Variants in COMMD1 observed in about 807,000 individuals in gnomAD.
COMMD1 encodes the protein COMM domain-containing protein 1.
Under a neutral mutation model 17.2 loss-of-function variants are expected in COMMD1, and 10 were observed. The ratio of observed to expected loss-of-function variants is 0.58; its 90% CI spans 0.36 to 0.99. The LOEUF (loss-of-function observed/expected upper bound fraction) is 0.99. Among genes scored for constraint, COMMD1 ranks in the 50% least tolerant of loss-of-function variants. The probability of loss-of-function intolerance (pLI) is 0.01; values close to 1 mark genes in which losing one functional copy is unlikely to be tolerated. For synonymous variants in COMMD1, 97 were observed against 91.6 expected (o/e 1.06, Z -0.34); for missense variants, 270 against 231.8 (o/e 1.17, Z -1.07).
chr2:61,935,660 C>T (rs1375030434), intron 1 of COMMD1, among the ~76,000 whole-genome samples: 5 of 151,930 alleles, frequency 3.3e-5, no homozygotes, highest in Non-Finnish European at 7.4e-5. Context: ...TTTCTCTGTA[C>T]AGTCATCCTC....
intron 1 of COMMD1, among the ~76,000 whole-genome samples, chr2:61,943,524 C>T (rs924358785): frequency 6.6e-6 from 1 of 152,104 alleles, no homozygotes; most frequent in Non-Finnish European, 1.5e-5. Flanking sequence ...AGGTCCAGCA[C>T]CATGAGGAGG....
At chr2:61,988,457 C>T (rs545789184) in intron 1 of COMMD1, among the ~76,000 whole-genome samples, 9 of 152,262 alleles carry the variant, frequency 5.9e-5, no homozygotes, top group Admixed American at 2.0e-4. Context: ...AAATGTTGTC[C>T]AGGAGCTAGG....
At chr2:62,126,753 C>G (rs1167483647) in intron 2 of COMMD1, among the ~76,000 whole-genome samples, 2 of 152,110 alleles carry the variant, frequency 1.3e-5, no homozygotes, top group Non-Finnish European at 2.9e-5. Context: ...CCATTCATGA[C>G]AAACCCACAG....
At chr2:62,103,689 A>T (rs1423600089) in intron 2 of COMMD1, among the ~76,000 whole-genome samples, 1 of 152,238 alleles carries the variant, frequency 6.6e-6, no homozygotes. Flanking sequence ...CTAAAAAATG[A>T]CTAGAATAAT....
At chr2:62,119,926 G>C (rs1381967991) in intron 2 of COMMD1, among the ~76,000 whole-genome samples, 2 of 152,198 alleles carry the variant, frequency 1.3e-5, no homozygotes, top group Non-Finnish European at 2.9e-5. Flanking sequence ...TGTTCAGCCT[G>C]TAGTGATGTG....
chr2:62,109,919 CTTTTTTTTTTTTT>C (rs11345736), intron 2 of COMMD1, among the ~76,000 whole-genome samples: 4 of 73,854 alleles, frequency 5.4e-5, no homozygotes, highest in African/African-American at 1.1e-4. Context: ...TTATCTTGAT[CTTTTTTTTTTTTT>C]TTTTTTTTTT....
intron 1 of COMMD1, among the ~76,000 whole-genome samples, chr2:61,960,651 C>T (rs1243620874): frequency 6.6e-6 from 1 of 152,182 alleles, no homozygotes; most frequent in African/African-American, 2.4e-5. Flanking sequence ...TACACAGACA[C>T]CTCCCTTTTT....
At chr2:61,906,971 T>C (rs1669789658) in intron 1 of COMMD1, among the ~76,000 whole-genome samples, 1 of 152,188 alleles carries the variant, frequency 6.6e-6, no homozygotes, top group Admixed American at 6.5e-5. Flanking sequence ...AAAAAGCAAA[T>C]GAAAACAAAT....
chr2:62,128,908 C>T (rs1436267821), intron 2 of COMMD1, among the ~76,000 whole-genome samples: 5 of 149,366 alleles, frequency 3.3e-5, no homozygotes, highest in Admixed American at 6.7e-5. Flanking sequence ...GCCGAGATCA[C>T]GCCACTGCAC....
intron 1 of COMMD1, among the ~76,000 whole-genome samples, chr2:61,932,238 G>A (rs1670484614): frequency 6.6e-6 from 1 of 152,186 alleles, no homozygotes; most frequent in African/African-American, 2.4e-5. Context: ...TGGATAAAAT[G>A]TATACAAAAG....
At chr2:62,030,467 C>G (rs1669883160) in intron 2 of COMMD1, among the ~76,000 whole-genome samples, 1 of 152,148 alleles carries the variant, frequency 6.6e-6, no homozygotes, top group African/African-American at 2.4e-5. Context: ...CATCGCAGGT[C>G]TCTAGCCACT....
At chr2:61,888,896 C>CTTT (rs70946768) in intron 1 of COMMD1, 32 of 132,290 alleles carry the variant, frequency 2.4e-4, no homozygotes, top group South Asian at 6.2e-4. Context: ...AGGTCCCCTC[C>CTTT]TTTTTTTTTT....
chr2:62,109,919 C>CTTTTTTTTTTTTTTTTTTT, intron 2 of COMMD1, among the ~76,000 whole-genome samples: 1 of 73,856 alleles, frequency 1.4e-5, no homozygotes, highest in Non-Finnish European at 2.4e-5. Flanking sequence ...TTATCTTGAT[C>CTTTTTTTTTTTTTTTTTTT]TTTTTTTTTT....
chr2:61,888,775 G>A (rs927528793), exon 1 of COMMD1: 14 of 508,110 alleles, frequency 2.8e-5, no homozygotes, highest in Non-Finnish European at 1.0e-5. Context: ...GGGGCGCTGT[G>A]GGTGAAGAGC....
At chr2:62,039,743 A>G (rs558520613) in intron 2 of COMMD1, among the ~76,000 whole-genome samples, 2 of 152,374 alleles carry the variant, frequency 1.3e-5, no homozygotes, top group Admixed American at 6.5e-5. Context: ...AGTTAAGAAA[A>G]TTAAATACCT....
At chr2:62,123,189 T>C (rs548898386) in intron 2 of COMMD1, among the ~76,000 whole-genome samples, 85 of 149,736 alleles carry the variant, frequency 5.7e-4, no homozygotes, top group African/African-American at 1.9e-3. Context: ...CAAGACCCCA[T>C]CAGAAAAAAA....
chr2:62,103,476 A>C (rs1023735109), intron 2 of COMMD1, among the ~76,000 whole-genome samples: 5 of 152,204 alleles, frequency 3.3e-5, no homozygotes, highest in African/African-American at 9.7e-5. Context: ...TGGCCCCTAC[A>C]GTATGTGGCC....
intron 2 of COMMD1, among the ~76,000 whole-genome samples, chr2:62,084,661 C>CA (rs1671611089): frequency 6.6e-6 from 1 of 152,166 alleles, no homozygotes. Context: ...AAAAATATGT[C>CA]ACCATCAGTT....
intron 2 of COMMD1, among the ~76,000 whole-genome samples, chr2:62,016,552 T>A (rs1669455581): frequency 6.6e-6 from 1 of 151,684 alleles, no homozygotes; most frequent in Non-Finnish European, 1.5e-5. Flanking sequence ...GAACTCATTT[T>A]ATGCACTTTT....
Sources: gnomAD v4.1 joint callset for allele counts (sites outside exome capture counted in the v4.1 genomes callset) on GRCh38, gnomAD v4.1.1 for gene constraint, MANE v1.5 for transcripts, NCBI Gene and HGNC (gene_info 2026-07-23, HGNC 2026-07-21) for gene names.